UNC13B: variants seen among roughly 807,000 people sequenced by gnomAD.
UNC13B encodes the protein protein unc-13 homolog B.
UNC13B carries 144 observed loss-of-function variants against 211.0 expected under a neutral mutation model. The observed-to-expected ratio is 0.68, with a 90% CI of 0.60 to 0.78. The LOEUF (loss-of-function observed/expected upper bound fraction) is 0.78, where lower values mean the gene tolerates loss of function less well. Among genes scored for constraint, UNC13B ranks in the 30% least tolerant of loss-of-function variants. The pLI, the probability that UNC13B is intolerant of heterozygous loss-of-function variation, is 0.00. For missense variants in UNC13B, 1,777 were observed against 2,002.0 expected, an observed-to-expected ratio of 0.89 and a Z score of 2.14; for synonymous variants, 709 against 725.8, an observed-to-expected ratio of 0.98 and a Z score of 0.37.
Position 35,377,696 on chromosome 9 carries a change from G to T in UNC13B, c.10063+1G>T, listed in dbSNP as rs1483362567. The T allele has an allele frequency of 6.2e-7, 1 of 1,613,370 alleles. No homozygotes were observed. Among genetic ancestry groups the T allele is most frequent in the South Asian group, 1.1e-5 (1 of 90,982 alleles). On this transcript the variant is annotated splice_donor_variant, in intron 16 of 39. Coordinates refer to ENST00000635942, the MANE Select transcript of UNC13B (RefSeq NM_001371189.2). LOFTEE classifies it high-confidence loss of function. Reference sequence around the variant, plus strand: ...TGGTCAGCCAAGATCACCATTACTGGTGAGCAGGCCACAGTTTGAGGGGAC... The same window carrying T: ...TGGTCAGCCAAGATCACCATTACTGTTGAGCAGGCCACAGTTTGAGGGGAC...
intron 6 of UNC13B, among the ~76,000 whole-genome samples, chr9:35,257,352 TATTTATATAAATATTTATA>T (rs1307824462): frequency 4.7e-3 from 81 of 17,362 alleles, no homozygotes; most frequent in South Asian, 0.013. Context: ...TTTATAAAAA[TATTTATATAAATATTTATA>T]AAATATTTAT....
Position 35,398,555 on chromosome 9 carries a change from T to C in UNC13B, c.11834T>C (p.Leu3945Pro). The C allele has an allele frequency of 6.2e-7, 1 of 1,613,922 alleles. No individual in the cohort carries two copies. The highest frequency in any genetic ancestry group is 1.1e-5 in the South Asian group (1 of 91,068). Residue 3945 changes from leucine (L) to proline (P), a missense_variant and splice_region_variant, in exon 32 of 40, where the codon CTG (leucine) becomes CCG (proline). Transcript: ENST00000635942. ...KMFEAMGGKE[L>P]DLEAADSLKE... ...CAGGCTTACCTCCTGTGAATACAGCTGGACCTTGAAGCTGCAGACAGTCTG... is the reference window on the plus strand; with the variant it reads ...CAGGCTTACCTCCTGTGAATACAGCCGGACCTTGAAGCTGCAGACAGTCTG...
At chr9:35,228,703 AGTGTGTGTGTGTGTGTGTGTGTGT>A (rs56971215) in intron 2 of UNC13B, among the ~76,000 whole-genome samples, 2,379 of 140,610 alleles carry the variant, frequency 0.017, 50 homozygotes, top group African/African-American at 0.06. Flanking sequence ...ACATCATGAA[AGTGTGTGTGTGTGTGTGTGTGTGT>A]GTGTGTGTGT....
rs372198159 is a variant in UNC13B, at chr9:35,251,484, G to C, written c.469-7509G>C. On this transcript the variant is annotated intron_variant, in intron 6 of 39. Transcript: ENST00000635942. Reference sequence around the variant, plus strand: ...AACCTGTATTCCCACCTACTTGGGAGGCTGAGGCAGGAGAATCACTTGAAC... The same window carrying C: ...AACCTGTATTCCCACCTACTTGGGACGCTGAGGCAGGAGAATCACTTGAAC... 1.5e-4 allele frequency among the ~76,000 whole-genome samples: 23 copies of C among 152,204 alleles called. No homozygotes were observed. In the South Asian group the frequency reaches 4.8e-3, roughly 32 times the overall value.
intron 11 of UNC13B, among the ~76,000 whole-genome samples, chr9:35,356,418 C>T (rs1015421718): frequency 6.6e-6 from 1 of 151,936 alleles, no homozygotes; most frequent in Non-Finnish European, 1.5e-5. Flanking sequence ...TTTAAGTACT[C>T]TCATGTGCAT....
chr9:35,168,703 C>CTTTTTT (rs34612376), intron 1 of UNC13B, among the ~76,000 whole-genome samples: 2 of 135,852 alleles, frequency 1.5e-5, no homozygotes, highest in East Asian at 4.2e-4. Flanking sequence ...GTATTACTTG[C>CTTTTTT]TTTTTTTTTT....
intron 1 of UNC13B, among the ~76,000 whole-genome samples, chr9:35,211,435 A>G (rs565534222): frequency 7.2e-5 from 11 of 152,352 alleles, no homozygotes; most frequent in African/African-American, 2.6e-4. Flanking sequence ...GGGTACCCGT[A>G]AATCTGCCTT....
rs371699628 is a variant in UNC13B at position 35,396,430 on chromosome 9, G to A, written c.11309-46G>A. On this transcript the variant is annotated intron_variant, in intron 26 of 39. Transcript: ENST00000635942. ...TGCCTTGGGAAGGCTCAGGAACCAT[G>A]GCCTCTACTGCTGGGACCTGACCCA... 4 of 1,611,412 alleles carry A rather than the reference G, an allele frequency of 2.5e-6. No individual in the cohort carries two copies. The African/African-American group carries it at 4.0e-5, about 16-fold the overall frequency.
chr9:35,353,599 T>C, intron 11 of UNC13B: 1 of 1,232,160 alleles, frequency 8.1e-7, no homozygotes, highest in Non-Finnish European at 1.0e-6. Flanking sequence ...TTGCTCTGGC[T>C]CCATGTCTGG....
Position 35,308,074 on chromosome 9 carries a change from C to G in UNC13B, c.8670C>G (p.Ala2890=), listed in dbSNP as rs2131850392. ...TGAAGTCTTCTCAAATATCTGGGGC[C>G]AGTGCTCAGCCAGGTAAAGTCTACA... ...KALKSSQISG[A]SAQPGKVYTQ... is the part of the protein sequence containing the mutation. The change falls in exon 9 of 40, where the codon GCC becomes GCG. Residue 2890 remains alanine (A), a synonymous_variant. Coordinates refer to ENST00000635942, the MANE Select transcript of UNC13B (RefSeq NM_001371189.2). 5.0e-6 allele frequency: 2 copies of G among 399,172 alleles called. No individual in the cohort carries two copies. Among genetic ancestry groups the G allele is most frequent in the South Asian group, 2.5e-4 (2 of 7,858 alleles). 24.7% of individuals were successfully genotyped at this position (399,172 alleles called of 1,614,324 possible). A position where few individuals can be genotyped will look rare whatever the true frequency, so the allele number is the denominator to read the frequency against.
At chr9:35,349,779 C>T (rs2132057090) in intron 11 of UNC13B, among the ~76,000 whole-genome samples, 1 of 152,324 alleles carries the variant, frequency 6.6e-6, no homozygotes. Flanking sequence ...CTGACTCGTC[C>T]TTCTGGTTCC....
chr9:35,219,185 C>T lies in UNC13B; in HGVS notation c.23-8830C>T, dbSNP rs368374538. 1.2e-3 allele frequency among the ~76,000 whole-genome samples: 188 copies of T among 152,170 alleles called. 2 individuals are homozygous for T. In the South Asian group the frequency reaches 0.019, roughly 15 times the overall value. ...ATATTTAGTGTGTGTAGGCCGATGG[C>T]GTTAGATTTCCATACACTCAACATT... On this transcript the variant is annotated intron_variant, in intron 1 of 39. Coordinates refer to ENST00000635942, the MANE Select transcript of UNC13B (RefSeq NM_001371189.2).
chr9:35,356,535 CT>C, intron 11 of UNC13B, among the ~76,000 whole-genome samples: 1 of 152,226 alleles, frequency 6.6e-6, no homozygotes, highest in East Asian at 1.9e-4. Context: ...TTTCAGTCTT[CT>C]TTTTATCAGT....
At chr9:35,325,523 C>T (rs1048509305) in intron 11 of UNC13B, among the ~76,000 whole-genome samples, 2 of 152,174 alleles carry the variant, frequency 1.3e-5, no homozygotes, top group African/African-American at 4.8e-5. Flanking sequence ...ACCATTTCCC[C>T]TCAGTGGCTT....
intron 1 of UNC13B, among the ~76,000 whole-genome samples, chr9:35,177,993 A>G (rs1473977273): frequency 6.6e-6 from 1 of 152,164 alleles, no homozygotes; most frequent in Non-Finnish European, 1.5e-5. Flanking sequence ...TGGGTGTTGG[A>G]TATGTTGAAT....
intron 1 of UNC13B, among the ~76,000 whole-genome samples, chr9:35,178,045 C>T (rs1461194609): frequency 6.6e-6 from 1 of 152,088 alleles, no homozygotes; most frequent in African/African-American, 2.4e-5. Flanking sequence ...GGAAATGTTA[C>T]TCAGGAGATC....
Position 35,381,575 on chromosome 9 carries a change from C to T in UNC13B, c.10511C>T (p.Thr3504Ile). ...CLHENLFHYL[T>I]DIQGSGGVRI... ...CTGCAGAATCTTTTCCATTACCTCA[C>T]AGACATTCAGGGCAGTGGAGGAGTC... The change falls in exon 20 of 40, where the codon ACA becomes ATA. Residue 3504 changes from threonine (T) to isoleucine (I), a missense_variant. Physicochemically the swap from Thr to Ile is moderately conservative, Grantham distance 89. Coordinates refer to ENST00000635942, the MANE Select transcript of UNC13B (RefSeq NM_001371189.2). 4 of 1,613,934 alleles carry T rather than the reference C, an allele frequency of 2.5e-6. No homozygotes were observed. Among genetic ancestry groups the T allele is most frequent in the Non-Finnish European group, 3.4e-6 (4 of 1,179,856 alleles).
At chr9:35,206,503 C>T (rs1032124901) in intron 1 of UNC13B, among the ~76,000 whole-genome samples, 2 of 152,036 alleles carry the variant, frequency 1.3e-5, no homozygotes, top group Admixed American at 1.3e-4. Context: ...GCTTTTTTAA[C>T]TTAGCATAAT....
chr9:35,255,770 G>A (rs369621732), intron 6 of UNC13B, among the ~76,000 whole-genome samples: 12 of 152,248 alleles, frequency 7.9e-5, no homozygotes, highest in Non-Finnish European at 1.2e-4. Flanking sequence ...GCAATTTGGG[G>A]AGGTTCAGAC....
Sources: gnomAD v4.1 joint callset for allele counts (sites outside exome capture counted in the v4.1 genomes callset) on GRCh38, gnomAD v4.1.1 for gene constraint, MANE v1.5 for transcripts, NCBI Gene and HGNC (gene_info 2026-07-23, HGNC 2026-07-21) for gene names.